Variants in HDAC4 observed in about 807,000 individuals in gnomAD.
HDAC4 encodes histone deacetylase A.
A neutral mutation model predicts 135.1 loss-of-function variants in HDAC4; 16 were observed. The ratio of observed to expected loss-of-function variants is 0.12; its 90% CI spans 0.08 to 0.18. The LOEUF is 0.18. Among genes scored for constraint, HDAC4 ranks in the 10% least tolerant of loss-of-function variants. HDAC4 has a pLI of 1.00. For synonymous variants in HDAC4, 685 were observed against 653.4 expected (o/e 1.05, Z -0.74); for missense variants, 1,143 against 1,511.8 (o/e 0.76, Z 4.05).
At chr2:239,082,248 G>A in intron 20 of HDAC4, 27 bp from the exon 21 acceptor site, 1 of 1,614,134 alleles carries the variant, frequency 6.2e-7, no homozygotes, top group Non-Finnish European at 8.5e-7. Flanking sequence ...AACTACTTCA[G>A]GGCTGAGGCA....
Position 239,139,218 on chromosome 2 carries a change from C to T in HDAC4, c.978+466G>A, listed in dbSNP as rs563534688. ...TGACACATAGTTTGTTGGCCGACAT[C>T]GTGTTGTGTATTTCTCAATACAAAA... On this transcript the variant is annotated intron_variant, in intron 9 of 26. Coordinates refer to ENST00000543185, the MANE Select transcript of HDAC4 (RefSeq NM_001378414.1). This position sits in a 1 kb window ranked among gnomAD's most constrained non-coding sequence, Gnocchi z 5.3. 6.6e-5 allele frequency among the ~76,000 whole-genome samples: 10 copies of T among 152,350 alleles called. 1 individual carries two copies. Among genetic ancestry groups the T allele is most frequent in the South Asian group, 2.1e-4 (1 of 4,830 alleles).
At chr2:239,378,128 G>C (rs1328068749) in intron 1 of HDAC4, among the ~76,000 whole-genome samples, 1 of 152,162 alleles carries the variant, frequency 6.6e-6, no homozygotes, top group African/African-American at 2.4e-5. Context: ...CTCTCAGCCT[G>C]GGGACATGCC....
At chr2:239,218,790 C>A (rs1232666926) in intron 3 of HDAC4, among the ~76,000 whole-genome samples, 3 of 144,392 alleles carry the variant, frequency 2.1e-5, no homozygotes, top group African/African-American at 7.7e-5. Flanking sequence ...CAAACAACCC[C>A]ATCAAAAAGT....
At chr2:239,151,339 C>T (rs1008408354) in intron 7 of HDAC4, among the ~76,000 whole-genome samples, 2 of 152,212 alleles carry the variant, frequency 1.3e-5, no homozygotes, top group East Asian at 1.9e-4. Context: ...CTAGTCTGCC[C>T]AGGATATGGT....
At chr2:239,357,956 A>G (rs1693617763) in intron 1 of HDAC4, among the ~76,000 whole-genome samples, 1 of 151,362 alleles carries the variant, frequency 6.6e-6, no homozygotes, top group Non-Finnish European at 1.5e-5. Flanking sequence ...AAATATTAAA[A>G]GGACAATGGG....
intron 3 of HDAC4, among the ~76,000 whole-genome samples, chr2:239,226,785 CGGCAGGCTCACGGGTGGGGCT>C (rs1218043660): frequency 1.3e-5 from 2 of 152,214 alleles, no homozygotes; most frequent in Non-Finnish European, 2.9e-5. Flanking sequence ...AAAGTGAGGC[CGGCAGGCTCACGGGTGGGGCT>C]GGCAGGCAGC....
intron 2 of HDAC4, among the ~76,000 whole-genome samples, chr2:239,279,694 C>G (rs2050591336): frequency 6.6e-6 from 1 of 152,182 alleles, no homozygotes; most frequent in South Asian, 2.1e-4. Context: ...CTCCTGAGAG[C>G]AGGGGACCTG....
chr2:239,216,287 A>T (rs1015852081), intron 3 of HDAC4, among the ~76,000 whole-genome samples: 1 of 152,184 alleles, frequency 6.6e-6, no homozygotes, highest in African/African-American at 2.4e-5. Context: ...AAGAACAAAA[A>T]TGAAATGTTC....
At chr2:239,374,413 T>C (rs1694854520) in intron 1 of HDAC4, among the ~76,000 whole-genome samples, 1 of 57,702 alleles carries the variant, frequency 1.7e-5, no homozygotes. Flanking sequence ...TTTTTTTTTT[T>C]TTTTTTTTGA....
chr2:239,233,465 A>C (rs529695046), intron 3 of HDAC4, among the ~76,000 whole-genome samples: 1 of 152,222 alleles, frequency 6.6e-6, no homozygotes, highest in South Asian at 2.1e-4. Flanking sequence ...TCCGAAAAAA[A>C]AAAAAACAAA....
intron 22 of HDAC4, among the ~76,000 whole-genome samples, chr2:239,075,527 G>A (rs953645196): frequency 6.6e-6 from 1 of 152,194 alleles, no homozygotes; most frequent in African/African-American, 2.4e-5. Context: ...GCAAGCCCAG[G>A]GAAGCCATGA....
chr2:239,095,201 G>GCAGCA, intron 16 of HDAC4, 145 bp from the exon 17 acceptor site: 6 of 848,316 alleles, frequency 7.1e-6, no homozygotes, highest in Non-Finnish European at 1.2e-5. Context: ...GTGACACCCT[G>GCAGCA]TGGCCCTGCT....
At chr2:239,073,732 CAG>C (rs945836452) in intron 22 of HDAC4, among the ~76,000 whole-genome samples, 1 of 152,268 alleles carries the variant, frequency 6.6e-6, no homozygotes, top group African/African-American at 2.4e-5. Context: ...GCACTGGCCT[CAG>C]AGCGTGCGTG....
chr2:239,119,436 C>T (rs900704371), intron 12 of HDAC4, among the ~76,000 whole-genome samples: 1 of 152,092 alleles, frequency 6.6e-6, no homozygotes, highest in East Asian at 1.9e-4. Context: ...AGGGCTCAGA[C>T]CACAGGCTGA....
intron 3 of HDAC4, among the ~76,000 whole-genome samples, chr2:239,234,696 G>C (rs2047780990): frequency 6.6e-6 from 1 of 152,220 alleles, no homozygotes; most frequent in African/African-American, 2.4e-5. Flanking sequence ...CAAACAGGCA[G>C]CAGAGGCGGG....
rs911978197 is a variant in HDAC4, at chr2:239,299,350, C to T, written c.22+53328G>A. Among the ~76,000 whole-genome samples, 2 of 152,136 alleles carry T rather than the reference C, an allele frequency of 1.3e-5. No homozygotes were observed. The highest frequency in any genetic ancestry group is 4.8e-5 in the African/African-American group (2 of 41,416). ...AATGCCAAGTAGAGATATTTAAGTACAGGGACAGAGCGTGGTGCAATGATC... is the reference window on the plus strand; with the variant it reads ...AATGCCAAGTAGAGATATTTAAGTATAGGGACAGAGCGTGGTGCAATGATC... On this transcript the variant is annotated intron_variant, in intron 2 of 26. Transcript: ENST00000543185. This position sits in a 1 kb window ranked among gnomAD's most constrained non-coding sequence, Gnocchi z 4.0.
chr2:239,079,200 A>G (rs1057253860), intron 22 of HDAC4, among the ~76,000 whole-genome samples: 1 of 152,254 alleles, frequency 6.6e-6, no homozygotes, highest in Non-Finnish European at 1.5e-5. Context: ...GAAGTGGTAC[A>G]CATTGGGGGA....
chr2:239,108,934 G>A (rs1415837507), intron 14 of HDAC4, among the ~76,000 whole-genome samples: 1 of 152,238 alleles, frequency 6.6e-6, no homozygotes, highest in African/African-American at 2.4e-5. Context: ...TCTGCAGCAG[G>A]AAAGGCAATG....
chr2:239,064,959 G>A (rs1384505638), intron 24 of HDAC4, among the ~76,000 whole-genome samples: 7 of 152,206 alleles, frequency 4.6e-5, no homozygotes, highest in African/African-American at 1.4e-4. Flanking sequence ...AACGATGCCT[G>A]CACACCAGAC....
Sources: allele counts gnomAD v4.1 joint callset (sites outside exome capture counted in the v4.1 genomes callset), GRCh38; gene constraint gnomAD v4.1.1; non-coding constraint Gnocchi (gnomAD v3.1); transcripts MANE v1.5; gene names NCBI Gene and HGNC (gene_info 2026-07-23, HGNC 2026-07-21).